SHQ1: variants seen among roughly 807,000 people sequenced by gnomAD.
The protein encoded by SHQ1 is protein SHQ1 homolog.
Under a neutral mutation model 53.8 loss-of-function variants are expected in SHQ1, and 49 were observed. The observed-to-expected ratio is 0.91, with a 90% CI of 0.72 to 1.16. The LOEUF is 1.16. Among genes scored for constraint, SHQ1 ranks in the 50% most tolerant of loss-of-function variants. SHQ1 has a pLI of 0.00. For synonymous variants in SHQ1, 243 were observed against 251.0 expected, an observed-to-expected ratio of 0.97 and a Z score of 0.30; for missense variants, 738 against 683.1, an observed-to-expected ratio of 1.08 and a Z score of -0.90.
chr3:72,763,060 C>CAT lies in SHQ1; in HGVS notation c.1182-12225_1182-12224insAT, dbSNP rs1553689140. Among the ~76,000 whole-genome samples, 182 of 77,524 alleles carry CAT rather than the reference C, an allele frequency of 2.3e-3. 1 individual carries two copies. The highest frequency in any genetic ancestry group is 7.7e-3 in the African/African-American group (168 of 21,770). 50.9% of individuals were successfully genotyped at this position (77,524 alleles called of 152,430 possible). A position where few individuals can be genotyped will look rare whatever the true frequency, so the allele number is the denominator to read the frequency against. On this transcript the variant is annotated intron_variant, in intron 10 of 10. Transcript: ENST00000325599. Reference sequence around the variant, plus strand: ...ACACACACACACACACACACACACACACAGAGAGAGAGAGAGAGAGAGAGA... The same window carrying CAT: ...ACACACACACACACACACACACACACATACAGAGAGAGAGAGAGAGAGAGAGA...
chr3:72,776,260 A>G (rs1309239533), intron 10 of SHQ1, among the ~76,000 whole-genome samples: 1 of 152,248 alleles, frequency 6.6e-6, no homozygotes, highest in African/African-American at 2.4e-5. Context: ...ATGATGAACT[A>G]CATATGGTGG....
At chr3:72,793,091 C>T (rs1706493044) in intron 9 of SHQ1, 55 bp from the exon 10 acceptor site, 2 of 1,475,896 alleles carry the variant, frequency 1.4e-6, no homozygotes, top group Non-Finnish European at 1.9e-6. Context: ...AATTCAGACC[C>T]TGAGAGGTAA....
At chr3:72,776,286 A>T (rs1481366048) in intron 10 of SHQ1, among the ~76,000 whole-genome samples, 1 of 152,222 alleles carries the variant, frequency 6.6e-6, no homozygotes, top group Admixed American at 6.5e-5. Context: ...TAAGAGTATA[A>T]TACTCTGATT....
chr3:72,750,887 G>T, intron 10 of SHQ1, 51 bp from the exon 11 acceptor site: 1 of 1,423,464 alleles, frequency 7.0e-7, no homozygotes. Flanking sequence ...AATTGGCCTG[G>T]GGATAACAGG....
chr3:72,828,318 G>T (rs1430275042), intron 5 of SHQ1, among the ~76,000 whole-genome samples: 1 of 152,086 alleles, frequency 6.6e-6, no homozygotes, highest in African/African-American at 2.4e-5. Context: ...CCTAGTCTGA[G>T]GAGATAAGCA....
chr3:72,734,914 G>A, the SHQ1 span, among the ~76,000 whole-genome samples: 473 of 151,596 alleles, frequency 3.1e-3, 14 homozygotes, highest in East Asian at 0.029. Flanking sequence ...CAACATTTGT[G>A]CCGGCCATGA....
At chr3:72,831,525 A>G (rs995234752) in intron 5 of SHQ1, among the ~76,000 whole-genome samples, 13 of 152,248 alleles carry the variant, frequency 8.5e-5, no homozygotes, top group Non-Finnish European at 1.8e-4. Flanking sequence ...AGCTGCAGGT[A>G]CTATACCAAT....
At chr3:72,808,831 T>A (rs551953993) in intron 9 of SHQ1, among the ~76,000 whole-genome samples, 1 of 152,172 alleles carries the variant, frequency 6.6e-6, no homozygotes, top group Non-Finnish European at 1.5e-5. Context: ...GTATCAAGTA[T>A]CCCTTTATTT....
intron 4 of SHQ1, among the ~76,000 whole-genome samples, chr3:72,839,902 A>G (rs1708114038): frequency 6.6e-6 from 1 of 151,986 alleles, no homozygotes; most frequent in Admixed American, 6.5e-5. Context: ...CTGGGACTAC[A>G]GGTGGGTGCC....
intron 9 of SHQ1, among the ~76,000 whole-genome samples, chr3:72,809,215 G>A (rs1284898544): frequency 1.3e-5 from 2 of 152,098 alleles, no homozygotes; most frequent in African/African-American, 2.4e-5. Context: ...CCTCCCTGCC[G>A]CTGGTCACCC....
chr3:72,744,195 G>A, the SHQ1 span, among the ~76,000 whole-genome samples: 3 of 152,182 alleles, frequency 2.0e-5, no homozygotes, highest in African/African-American at 7.2e-5. Flanking sequence ...ACAAGTCTTA[G>A]CTGTTCTTGC....
At chr3:72,818,102 C>T (rs1480246642) in intron 6 of SHQ1, among the ~76,000 whole-genome samples, 1 of 151,998 alleles carries the variant, frequency 6.6e-6, no homozygotes, top group African/African-American at 2.4e-5. Flanking sequence ...TACAGACACA[C>T]AAGCATACCT....
chr3:72,753,527 C>T (rs531755502), intron 10 of SHQ1: 1 of 985,362 alleles, frequency 1.0e-6, no homozygotes, highest in South Asian at 4.7e-5. Flanking sequence ...CACAGAAGCA[C>T]CACTGCAGTG....
intron 7 of SHQ1, among the ~76,000 whole-genome samples, chr3:72,816,008 T>C (rs1188572047): frequency 6.6e-6 from 1 of 152,190 alleles, no homozygotes; most frequent in Non-Finnish European, 1.5e-5. Context: ...AAACATTTTC[T>C]CCAATTACAG....
chr3:72,814,503 GAGT>G (rs1559685422), intron 8 of SHQ1: 6 of 152,142 alleles, frequency 3.9e-5, no homozygotes, highest in Non-Finnish European at 8.8e-5. Context: ...ATCATTTTTG[GAGT>G]AGTAAGATTC....
intron 6 of SHQ1, 146 bp from the exon 7 acceptor site, chr3:72,817,530 T>C (rs1362519029): frequency 1.1e-5 from 8 of 731,966 alleles, no homozygotes; most frequent in South Asian, 5.9e-5. Flanking sequence ...ATAACTTAAG[T>C]AGACTTCACA....
intron 2 of SHQ1, 101 bp downstream of exon 2, chr3:72,844,258 T>C (rs1575743783): frequency 4.3e-6 from 4 of 934,728 alleles, no homozygotes; most frequent in East Asian, 2.6e-5. Flanking sequence ...AGATTGTATT[T>C]GAAAGACATC....
At chr3:72,828,911 C>T (rs1193245129) in intron 5 of SHQ1, among the ~76,000 whole-genome samples, 3 of 151,954 alleles carry the variant, frequency 2.0e-5, no homozygotes, top group South Asian at 2.1e-4. Context: ...ATTTTCAGCA[C>T]GTAAGACATC....
intron 9 of SHQ1, among the ~76,000 whole-genome samples, chr3:72,808,894 T>C (rs1707034883): frequency 6.6e-6 from 1 of 152,118 alleles, no homozygotes; most frequent in South Asian, 2.1e-4. Context: ...AAACTAAAAA[T>C]GATTTGTAAT....
Sources: gnomAD v4.1 joint callset for allele counts (sites outside exome capture counted in the v4.1 genomes callset) on GRCh38, gnomAD v4.1.1 for gene constraint, MANE v1.5 for transcripts, NCBI Gene and HGNC (gene_info 2026-07-23, HGNC 2026-07-21) for gene names.